The following NPTN variants were observed in gnomAD, a reference collection of about 807,000 sequenced individuals.
The protein encoded by NPTN is SDR-1.
NPTN carries 5 observed loss-of-function variants against 42.7 expected under a neutral mutation model. The observed-to-expected ratio is 0.12, with a 90% confidence interval of 0.06 to 0.25. The LOEUF is 0.25. Ranked by LOEUF, NPTN falls within the 10% of genes least tolerant of loss-of-function variation. The pLI, the probability that NPTN is intolerant of heterozygous loss-of-function variation, is 1.00. For synonymous variants in NPTN, 180 were observed against 201.9 expected (o/e 0.89, Z 0.92); for missense variants, 307 against 525.4 (o/e 0.58, Z 4.06).
At chr15:73,593,295 T>C (rs1896683430) in intron 2 of NPTN, among the ~76,000 whole-genome samples, 1 of 152,222 alleles carries the variant, frequency 6.6e-6, no homozygotes, top group Non-Finnish European at 1.5e-5. Flanking sequence ...TTAATGTGCT[T>C]TGTCTTTATT....
In NPTN at chr15:73,630,491, A is replaced by T. The variant is rs535273136; in HGVS notation, c.91+2634T>A. On this transcript the variant is annotated intron_variant, in intron 1 of 8. Coordinates refer to ENST00000345330, the MANE Select transcript of NPTN (RefSeq NM_012428.4). ...TGGTCTTACAAGTTTAAATTCTTGG[A>T]TGAGAAACAAAATCCATCTGAATGA... Among the ~76,000 whole-genome samples the T allele has an allele frequency of 2.6e-5, 4 of 152,360 alleles. No individual in the cohort carries two copies. The East Asian group carries it at 7.7e-4, about 29-fold the overall frequency.
chr15:73,598,614 C>T (rs949513693), intron 1 of NPTN, among the ~76,000 whole-genome samples: 9 of 152,074 alleles, frequency 5.9e-5, no homozygotes, highest in Admixed American at 6.5e-5. Flanking sequence ...AGACAGTATC[C>T]GAAGGTATAA....
At chr15:73,567,402 T>C (rs898082239) in intron 6 of NPTN, 3 of 985,346 alleles carry the variant, frequency 3.0e-6, no homozygotes, top group African/African-American at 3.5e-5. Context: ...TAAACACTTA[T>C]GACCTCTTAA....
intron 1 of NPTN, among the ~76,000 whole-genome samples, chr15:73,625,447 C>T (rs1898352191): frequency 6.6e-6 from 1 of 151,956 alleles, no homozygotes; most frequent in African/African-American, 2.4e-5. Flanking sequence ...CATTCTCCTG[C>T]CTCAGCCCCG....
At chr15:73,608,550 T>C (rs1011984794) in intron 1 of NPTN, among the ~76,000 whole-genome samples, 1 of 152,196 alleles carries the variant, frequency 6.6e-6, no homozygotes, top group Non-Finnish European at 1.5e-5. Flanking sequence ...TATTAAGTGC[T>C]CATGCTATTC....
chr15:73,594,904 C>A (rs139508828), intron 2 of NPTN, among the ~76,000 whole-genome samples: 1 of 148,902 alleles, frequency 6.7e-6, no homozygotes, highest in Non-Finnish European at 1.5e-5. Flanking sequence ...TCTTTTGGGA[C>A]GCTGAGATCA....
At chr15:73,561,708 C>A (rs1040518650) in intron 8 of NPTN, among the ~76,000 whole-genome samples, 188 bp downstream of exon 8, 1 of 152,094 alleles carries the variant, frequency 6.6e-6, no homozygotes, top group Non-Finnish European at 1.5e-5. Context: ...CAAAAAACAA[C>A]GCAGCTGAAA....
intron 1 of NPTN, among the ~76,000 whole-genome samples, chr15:73,624,117 C>A (rs956027336): frequency 3.9e-5 from 6 of 152,184 alleles, no homozygotes; most frequent in African/African-American, 1.4e-4. Context: ...TCTTAAGCTA[C>A]CATCAACATA....
In NPTN at chr15:73,581,502, C is replaced by T. The variant is rs141853695; in HGVS notation, c.706+6022G>A. ...TTGTTAGTCACATATTCTAGTCACA[C>T]TGGTTAATGGCTATCCCTCCAGTAT... On this transcript the variant is annotated intron_variant, in intron 4 of 8. Transcript: ENST00000345330. 8.8e-4 allele frequency among the ~76,000 whole-genome samples: 134 copies of T among 152,308 alleles called. No individual in the cohort carries two copies. In the East Asian group the frequency reaches 0.019, roughly 21 times the overall value.
At chr15:73,614,050 G>A (rs551761588) in intron 1 of NPTN, among the ~76,000 whole-genome samples, 2 of 151,638 alleles carry the variant, frequency 1.3e-5, no homozygotes, top group East Asian at 2.0e-4. Flanking sequence ...GGTGGCTCAC[G>A]CCTATAATCC....
At chr15:73,606,460 T>G (rs1179683604) in intron 1 of NPTN, among the ~76,000 whole-genome samples, 1 of 152,208 alleles carries the variant, frequency 6.6e-6, no homozygotes, top group Non-Finnish European at 1.5e-5. Flanking sequence ...AAACCAGGAA[T>G]GTCTCATGCA....
intron 2 of NPTN, among the ~76,000 whole-genome samples, chr15:73,592,566 A>T (rs778580940): frequency 3.3e-5 from 5 of 152,186 alleles, no homozygotes; most frequent in Non-Finnish European, 5.9e-5. Context: ...TGGGCCTTGG[A>T]ACAGTAATAA....
chr15:73,579,643 C>T (rs890002322), intron 4 of NPTN, among the ~76,000 whole-genome samples: 6 of 152,112 alleles, frequency 3.9e-5, no homozygotes, highest in African/African-American at 1.2e-4. Context: ...GAACAGTCTT[C>T]ACTCCTGCCT....
rs1895287737 is a variant in NPTN at position 73,570,196 on chromosome 15, G to C, written c.1068C>G (p.Ile356Met). The change falls in exon 6 of 9, where the codon ATC (isoleucine) becomes ATG (methionine). Residue 356 changes from isoleucine to methionine, a missense_variant. Physicochemically the swap from Ile to Met is conservative, Grantham distance 10. Around this residue, in one of 2 missense-constraint regions of NPTN, gnomAD observed 264 missense variants for 491.1 expected, o/e 0.54. Coordinates refer to ENST00000345330, the MANE Select transcript of NPTN (RefSeq NM_012428.4). The surrounding 1 kb of genome is among the most constrained non-coding windows in gnomAD (Gnocchi z 4.0). Reference protein sequence around the residue: ...ILAEIIILVVIIVVYEKRKRP... With the variant: ...ILAEIIILVVMIVVYEKRKRP... The stretch of plus-strand genomic sequence containing the variant: ...TCTTCCTCTTCTCATACACAACAAT[G>C]ATCACCACAAGGATGATAATTTCAG... 1 of 1,613,914 alleles carries C rather than the reference G, an allele frequency of 6.2e-7. No individual in the cohort carries two copies. The highest frequency in any genetic ancestry group is 1.3e-5 in the African/African-American group (1 of 74,912).
At chr15:73,614,352 C>T (rs1897753744) in intron 1 of NPTN, among the ~76,000 whole-genome samples, 1 of 152,008 alleles carries the variant, frequency 6.6e-6, no homozygotes, top group Non-Finnish European at 1.5e-5. Flanking sequence ...GAAATCATTC[C>T]ATTTAATAAA....
chr15:73,578,972 G>A (rs371901340), intron 4 of NPTN, among the ~76,000 whole-genome samples: 4 of 135,934 alleles, frequency 2.9e-5, no homozygotes, highest in East Asian at 4.2e-4. Context: ...CAGCCTGGGC[G>A]ACAGAGTAAG....
chr15:73,581,989 C>A (rs1174144460), intron 4 of NPTN, among the ~76,000 whole-genome samples: 1 of 152,150 alleles, frequency 6.6e-6, no homozygotes, highest in African/African-American at 2.4e-5. Flanking sequence ...CGTGCACCGC[C>A]ACACTCGGCT....
chr15:73,632,487 G>C (rs528462566), intron 1 of NPTN: 1 of 152,248 alleles, frequency 6.6e-6, no homozygotes, highest in South Asian at 2.1e-4. Flanking sequence ...CTCTCTCCAG[G>C]TCCCCTACTG....
Position 73,569,284 on chromosome 15 carries a change from C to G in NPTN, c.1114+866G>C, listed in dbSNP as rs1895232572. 1.0e-6 allele frequency: 1 copy of G among 985,490 alleles called. No homozygotes were observed. The highest frequency in any genetic ancestry group is 1.7e-5 in the African/African-American group (1 of 57,262). The allele number at this position is 985,490 out of a possible 1,614,324, so 61.0% of individuals were successfully genotyped here. A position where few individuals can be genotyped will look rare whatever the true frequency, so the allele number is the denominator to read the frequency against. On this transcript the variant is annotated intron_variant, in intron 6 of 8. Transcript: ENST00000345330. This position sits in a 1 kb window ranked among gnomAD's most constrained non-coding sequence, Gnocchi z 4.1. ...ACAAGTCTCCATCAGCAGCTTCCCC[C>G]TTCACAGGAAAAATCGATCACCAAA...
Sources: gnomAD v4.1 joint callset for allele counts (sites outside exome capture counted in the v4.1 genomes callset) on GRCh38, gnomAD v4.1.1 for gene constraint, gnomAD v4.1.1 regional missense constraint, Gnocchi (gnomAD v3.1) non-coding constraint, MANE v1.5 for transcripts, NCBI Gene and HGNC (gene_info 2026-07-23, HGNC 2026-07-21) for gene names.